DOCK10: variants seen among roughly 807,000 people sequenced by gnomAD.
DOCK10 encodes the protein dedicator of cytokinesis protein 10.
DOCK10 carries 145 observed loss-of-function variants against 280.1 expected under a neutral mutation model. The ratio of observed to expected loss-of-function variants is 0.52; its 90% CI spans 0.45 to 0.59. The LOEUF (loss-of-function observed/expected upper bound fraction) is 0.59, where lower values mean the gene tolerates loss of function less well. Among genes scored for constraint, DOCK10 ranks in the 20% least tolerant of loss-of-function variants. The pLI is 0.00. For synonymous variants in DOCK10, 915 were observed against 942.2 expected, an observed-to-expected ratio of 0.97 and a Z score of 0.53; for missense variants, 2,368 against 2,651.7, an observed-to-expected ratio of 0.89 and a Z score of 2.35.
Position 224,794,877 on chromosome 2 carries a change from A to T in DOCK10, c.5154+2T>A. 6.2e-7 allele frequency: 1 copy of T among 1,613,274 alleles called. No homozygotes were observed. The highest frequency in any genetic ancestry group is 8.5e-7 in the Non-Finnish European group (1 of 1,179,754). On this transcript the variant is annotated splice_donor_variant, in intron 45 of 55. Coordinates refer to ENST00000258390, the MANE Select transcript of DOCK10 (RefSeq NM_014689.3). LOFTEE classifies it high-confidence loss of function. ...GTAAATGACCAAGCCTTGGCTAATC[A>T]CCTCAGATAAATCTCCGTTTCTGGC...
intron 15 of DOCK10, 95 bp downstream of exon 15, chr2:224,856,765 G>T: frequency 8.5e-7 from 1 of 1,175,760 alleles, no homozygotes; most frequent in Non-Finnish European, 1.2e-6. Flanking sequence ...CTGGAGGTTT[G>T]GGTGTTCGAG....
intron 1 of DOCK10, among the ~76,000 whole-genome samples, chr2:224,937,817 A>G (rs181348663): frequency 7.9e-5 from 12 of 152,284 alleles, no homozygotes; most frequent in African/African-American, 2.9e-4. Flanking sequence ...TTAATATTAA[A>G]CTCATTAGCT....
At chr2:224,807,548 G>A (rs1488771235) in intron 33 of DOCK10, 120 bp downstream of exon 33, 2 of 659,810 alleles carry the variant, frequency 3.0e-6, no homozygotes, top group Non-Finnish European at 2.7e-6. Flanking sequence ...ATAGCAGAAA[G>A]TGTTGTTCAA....
intron 19 of DOCK10, among the ~76,000 whole-genome samples, chr2:224,846,246 AAC>A (rs1365043988): frequency 1.3e-5 from 2 of 152,190 alleles, no homozygotes; most frequent in African/African-American, 2.4e-5. Flanking sequence ...CATATGCATA[AAC>A]ACACACACAA....
chr2:224,923,913 G>A (rs886737104), intron 2 of DOCK10, among the ~76,000 whole-genome samples: 5 of 152,180 alleles, frequency 3.3e-5, no homozygotes, highest in South Asian at 2.1e-4. Flanking sequence ...ATTTTAGGCC[G>A]AAAGGTTATG....
chr2:224,781,627 G>A (rs920676446), intron 50 of DOCK10, among the ~76,000 whole-genome samples: 2 of 152,204 alleles, frequency 1.3e-5, no homozygotes, highest in African/African-American at 4.8e-5. Flanking sequence ...AAGGTTATAA[G>A]CTGACTGCAT....
chr2:224,794,921 T>C lies in DOCK10; in HGVS notation c.5112A>G (p.Glu1704=), dbSNP rs1398733307. ...TTCTGGCATGAATCTTGGCCATACTTTCCAGCCAGGTCCTGCGTAGTTCAG... is the reference window on the plus strand; with the variant it reads ...TTCTGGCATGAATCTTGGCCATACTCTCCAGCCAGGTCCTGCGTAGTTCAG... ...STPELRRTWL[E]SMAKIHARNG... The change falls in exon 45 of 56, where the codon GAA becomes GAG. Residue 1704 remains glutamate, a synonymous_variant. Transcript: ENST00000258390. 1 of 1,613,930 alleles carries C rather than the reference T, an allele frequency of 6.2e-7. No homozygotes were observed. The highest frequency in any genetic ancestry group is 8.5e-7 in the Non-Finnish European group (1 of 1,179,834).
At chr2:224,976,705 C>T (rs1390031699) in intron 1 of DOCK10, among the ~76,000 whole-genome samples, 1 of 151,126 alleles carries the variant, frequency 6.6e-6, no homozygotes, top group Non-Finnish European at 1.5e-5. Flanking sequence ...AAAAAGGTTC[C>T]TTTGTGGTTG....
Position 225,042,300 on chromosome 2 carries a change from G to A in DOCK10, c.75C>T (p.Ser25=). The change falls in exon 1 of 56, where the codon AGC becomes AGT. Residue 25 remains serine, a synonymous_variant. Coordinates refer to ENST00000258390, the MANE Select transcript of DOCK10 (RefSeq NM_014689.3). The surrounding 1 kb of genome is among the most constrained non-coding windows in gnomAD (Gnocchi z 5.1). The part of the protein sequence containing the change: ...RPGQAAELRH[S]AASAAAVAVS... ...CTGCCACCGCGGCGGCGGACGCGGC[G>A]CTGTGCCGGAGCTCGGCCGCCTGCC... 27 of 1,352,502 alleles carry A rather than the reference G, an allele frequency of 2.0e-5. No homozygotes were observed. The highest frequency in any genetic ancestry group is 2.6e-5 in the Non-Finnish European group (27 of 1,048,986). The allele number at this position is 1,352,502 out of a possible 1,614,324, so 83.8% of individuals were successfully genotyped here.
At position 224,765,428 on chromosome 2, in the gene DOCK10, G is replaced by A. The variant is rs1690033126; in HGVS notation, c.*293C>T. Reference sequence around the variant, plus strand: ...CCTTTAAAATATGTGTACTAGGACTGGGGTACTGACCATACAATAACTGAC... The same window carrying A: ...CCTTTAAAATATGTGTACTAGGACTAGGGTACTGACCATACAATAACTGAC... On this transcript the variant is annotated 3_prime_UTR_variant, in exon 56 of 56. Transcript: ENST00000258390. The A allele has an allele frequency of 7.2e-6, 2 of 279,240 alleles. No individual in the cohort carries two copies. Among genetic ancestry groups the A allele is most frequent in the African/African-American group, 4.4e-5 (2 of 45,438 alleles). The allele number at this position is 279,240 out of a possible 1,614,324, so 17.3% of individuals were successfully genotyped here.
chr2:224,810,920 T>C lies in DOCK10; in HGVS notation c.3410-2834A>G, dbSNP rs574926112. 5.3e-3 allele frequency among the ~76,000 whole-genome samples: 801 copies of C among 152,200 alleles called. 7 individuals are homozygous for C. The highest frequency in any genetic ancestry group is 0.017 in the African/African-American group (691 of 41,508). ...TTGGGTTGGCTCCAAGTCTTTGCTA[T>C]TGTGAATAGTGCCGCAATAAACATA... On this transcript the variant is annotated intron_variant, in intron 31 of 55. Transcript: ENST00000258390.
At chr2:224,780,898 TAA>T (rs57957604) in intron 50 of DOCK10, among the ~76,000 whole-genome samples, 1 of 144,708 alleles carries the variant, frequency 6.9e-6, no homozygotes. Flanking sequence ...AGACTCTGTC[TAA>T]AAAAAAAAAA....
chr2:224,887,523 C>G (rs942148697), intron 4 of DOCK10, among the ~76,000 whole-genome samples: 27 of 152,138 alleles, frequency 1.8e-4, no homozygotes, highest in African/African-American at 6.5e-4. Context: ...TGGCTTGATT[C>G]TATCTCATAA....
rs776173881 is a variant in DOCK10 at position 224,773,272 on chromosome 2, T to A, written c.6089A>T (p.Glu2030Val). 2 of 1,613,992 alleles carry A rather than the reference T, an allele frequency of 1.2e-6. No individual in the cohort carries two copies. The highest frequency in any genetic ancestry group is 1.7e-6 in the Non-Finnish European group (2 of 1,179,874). Residue 2030 changes from glutamate to valine, a missense_variant, in exon 53 of 56, where the codon GAA (glutamate) becomes GTA (valine). By Grantham distance (121) the Glu-to-Val change is moderately radical. This residue lies in a region of DOCK10 where 1,159 missense variants were observed against 1,400.8 expected (regional missense o/e 0.83). Transcript: ENST00000258390. ...SQSSTELNPI[E>V]VAIDEMSKKV... ...CTTGGACATCTCGTCAATTGCCACT[T>A]CAATTGGATTCAGTTCTGTGCTCGA...
chr2:225,025,280 T>C (rs1286127761), intron 1 of DOCK10, among the ~76,000 whole-genome samples: 6 of 152,160 alleles, frequency 3.9e-5, no homozygotes, highest in African/African-American at 7.2e-5. Flanking sequence ...AGATGTTGCA[T>C]AAGGGGTACT....
chr2:224,911,582 C>A (rs950072175), intron 3 of DOCK10, among the ~76,000 whole-genome samples: 1 of 152,160 alleles, frequency 6.6e-6, no homozygotes, highest in African/African-American at 2.4e-5. Flanking sequence ...TAACTGGCCC[C>A]TATCTTGAAA....
In DOCK10 at chr2:224,805,572, T is replaced by C. The variant is rs201344437; in HGVS notation, c.3815-43A>G. ...AGCACACGTATGGGAATGAGATGTA[T>C]GGGCACACACACACAAAAGGTTCAC... On this transcript the variant is annotated intron_variant, in intron 34 of 55. Transcript: ENST00000258390. The surrounding 1 kb of genome is among the most constrained non-coding windows in gnomAD (Gnocchi z 4.3). 93 of 1,608,558 alleles carry C rather than the reference T, an allele frequency of 5.8e-5. No homozygotes were observed. In the East Asian group the frequency reaches 1.5e-3, roughly 25 times the overall value.
Position 224,789,124 on chromosome 2 carries a change from G to T in DOCK10, c.5358C>A (p.Asn1786Lys). Reference sequence around the variant, plus strand: ...CTTTCATCGCTCCTTCTTCCTTAATGTTTGGTGTAATGCTCAAAAAAGCTG... The same window carrying T: ...CTTTCATCGCTCCTTCTTCCTTAATTTTTGGTGTAATGCTCAAAAAAGCTG... ...GWPAFLSITP[N>K]IKEEGAMKED... The change falls in exon 48 of 56, where the codon AAC becomes AAA. Residue 1786 changes from asparagine (N) to lysine (K), a missense_variant. Physicochemically the swap from Asn to Lys is moderately conservative, Grantham distance 94. Transcript: ENST00000258390. 1 of 1,613,670 alleles carries T rather than the reference G, an allele frequency of 6.2e-7. No homozygotes were observed. The highest frequency in any genetic ancestry group is 8.5e-7 in the Non-Finnish European group (1 of 1,179,758).
intron 1 of DOCK10, among the ~76,000 whole-genome samples, chr2:225,006,525 T>C (rs1355300374): frequency 6.6e-6 from 1 of 152,190 alleles, no homozygotes; most frequent in Non-Finnish European, 1.5e-5. Flanking sequence ...ATCAAAATCC[T>C]TCATTTTTCA....
Sources: gnomAD v4.1 joint callset for allele counts (sites outside exome capture counted in the v4.1 genomes callset) on GRCh38, gnomAD v4.1.1 for gene constraint, gnomAD v4.1.1 regional missense constraint, Gnocchi (gnomAD v3.1) non-coding constraint, MANE v1.5 for transcripts, NCBI Gene and HGNC (gene_info 2026-07-23, HGNC 2026-07-21) for gene names.